The following VASH2 variants were observed in gnomAD, a reference collection of about 807,000 sequenced individuals.
VASH2 encodes tubulinyl-Tyr carboxypeptidase 2.
A neutral mutation model predicts 37.2 loss-of-function variants in VASH2; 28 were observed. That is an observed-to-expected ratio of 0.75 (90% CI 0.56 to 1.03). The LOEUF (loss-of-function observed/expected upper bound fraction) is 1.03, where lower values mean the gene tolerates loss of function less well. Ranked by LOEUF, VASH2 falls within the 50% of genes least tolerant of loss-of-function variation. The probability of loss-of-function intolerance (pLI) is 0.00; values close to 1 mark genes in which losing one functional copy is unlikely to be tolerated. For synonymous variants in VASH2, 188 were observed against 174.7 expected (o/e 1.08, Z -0.60); for missense variants, 419 against 459.1 (o/e 0.91, Z 0.80).
chr1:212,966,411 T>G, intron 5 of VASH2, 66 bp downstream of exon 5: 1 of 1,312,134 alleles, frequency 7.6e-7, no homozygotes, highest in Non-Finnish European at 1.1e-6. Flanking sequence ...GGGCTTGTTG[T>G]GCCTTTAACA....
intron 7 of VASH2, among the ~76,000 whole-genome samples, chr1:212,985,816 G>A (rs1042687897): frequency 5.9e-5 from 9 of 152,204 alleles, no homozygotes; most frequent in Non-Finnish European, 1.2e-4. Flanking sequence ...CATACCAGTT[G>A]TCTTTTGAAG....
chr1:212,961,346 CA>C, intron 3 of VASH2, 92 bp downstream of exon 3: 1 of 1,598,502 alleles, frequency 6.3e-7, no homozygotes, highest in Non-Finnish European at 8.5e-7. Context: ...AGCTGGTCAT[CA>C]AAAGCTCTCT....
At chr1:212,979,453 A>G (rs1424593788) in intron 7 of VASH2, among the ~76,000 whole-genome samples, 1 of 152,128 alleles carries the variant, frequency 6.6e-6, no homozygotes, top group Non-Finnish European at 1.5e-5. Flanking sequence ...GAGGGGCCCA[A>G]AGGGTGGAAA....
rs1572088199 is a variant in VASH2 at position 212,989,393 on chromosome 1, G to A, written c.*809G>A. ...TTGCAGACTCTAACAAAAAGCACAA[G>A]AGGTCACGTACTATTATACAAATTT... On this transcript the variant is annotated 3_prime_UTR_variant, in exon 8 of 8. Transcript: ENST00000517399. The A allele has an allele frequency of 2.6e-5, 4 of 152,258 alleles. No homozygotes were observed. The highest frequency in any genetic ancestry group is 2.6e-4 in the Admixed American group (4 of 15,302). The allele number at this position is 152,258 out of a possible 1,614,324, so 9.4% of individuals were successfully genotyped here. A position where few individuals can be genotyped will look rare whatever the true frequency, so the allele number is the denominator to read the frequency against.
At chr1:212,952,085 C>A (rs1038671248) in intron 2 of VASH2, among the ~76,000 whole-genome samples, 1 of 152,122 alleles carries the variant, frequency 6.6e-6, no homozygotes, top group African/African-American at 2.4e-5. Context: ...GAAGCTCCAG[C>A]CAAACTCTAT....
rs1424881781 is a variant in VASH2 at position 212,950,915 on chromosome 1, A to G, written c.-205+175A>G. Reference sequence around the variant, plus strand: ...AAGAAAGCGGGCCGCCTTGCAAGCCAAGGCTGCTGCAGCGCCCTCGCGCCA... The same window carrying G: ...AAGAAAGCGGGCCGCCTTGCAAGCCGAGGCTGCTGCAGCGCCCTCGCGCCA... On this transcript the variant is annotated intron_variant, in intron 1 of 7. Coordinates refer to ENST00000517399, the MANE Select transcript of VASH2 (RefSeq NM_001301056.2). The surrounding 1 kb of genome is among the most constrained non-coding windows in gnomAD (Gnocchi z 5.5). Among the ~76,000 whole-genome samples, 1 of 152,224 alleles carries G rather than the reference A, an allele frequency of 6.6e-6. No individual in the cohort carries two copies. Among genetic ancestry groups the G allele is most frequent in the East Asian group, 1.9e-4 (1 of 5,194 alleles).
chr1:212,981,778 C>A (rs1327705054), intron 7 of VASH2, among the ~76,000 whole-genome samples: 4 of 152,208 alleles, frequency 2.6e-5, no homozygotes, highest in African/African-American at 9.7e-5. Flanking sequence ...GTTGAGGGAA[C>A]CCTGTGAACT....
chr1:212,982,320 C>T (rs931229069), intron 7 of VASH2, among the ~76,000 whole-genome samples: 8 of 152,096 alleles, frequency 5.3e-5, no homozygotes, highest in African/African-American at 1.4e-4. Context: ...AAAATGTTGC[C>T]GGAGAACCTT....
chr1:212,953,129 G>A (rs973138633), intron 2 of VASH2, among the ~76,000 whole-genome samples: 2 of 152,112 alleles, frequency 1.3e-5, no homozygotes, highest in African/African-American at 4.8e-5. Flanking sequence ...GGAAAAAAAC[G>A]CCTGTTCCTA....
chr1:212,984,900 A>G (rs954899712), intron 7 of VASH2, among the ~76,000 whole-genome samples: 2 of 152,160 alleles, frequency 1.3e-5, no homozygotes, highest in Admixed American at 6.5e-5. Context: ...CCGAGTTAGA[A>G]CTTGCTAGGA....
chr1:212,961,398 G>A (rs1666672936), intron 3 of VASH2, 144 bp downstream of exon 3: 3 of 1,513,120 alleles, frequency 2.0e-6, no homozygotes, highest in East Asian at 2.3e-5. Context: ...TCCCGGGTGG[G>A]AGTCTAGAAA....
intron 7 of VASH2, among the ~76,000 whole-genome samples, chr1:212,979,715 A>G (rs145000510): frequency 1.8e-3 from 267 of 152,276 alleles, no homozygotes; most frequent in Non-Finnish European, 2.3e-3. Context: ...CGCTGAGACC[A>G]AGTTTCAAGA....
chr1:212,956,954 A>G (rs1455787993), intron 2 of VASH2, among the ~76,000 whole-genome samples: 1 of 152,168 alleles, frequency 6.6e-6, no homozygotes, highest in East Asian at 1.9e-4. Flanking sequence ...TGCAGCCATC[A>G]CCACCATCCA....
chr1:212,958,393 A>C (rs1432115232), intron 2 of VASH2, among the ~76,000 whole-genome samples: 1 of 152,202 alleles, frequency 6.6e-6, no homozygotes, highest in Non-Finnish European at 1.5e-5. Flanking sequence ...CTCTGCTTAC[A>C]GCCAGGCTGA....
intron 2 of VASH2, among the ~76,000 whole-genome samples, chr1:212,954,610 G>A (rs1247208193): frequency 6.6e-6 from 1 of 152,052 alleles, no homozygotes; most frequent in East Asian, 1.9e-4. Context: ...TAGTAAGATG[G>A]AGTTTCACCA....
chr1:212,963,330 C>T (rs1241346898), intron 3 of VASH2, among the ~76,000 whole-genome samples: 1 of 152,192 alleles, frequency 6.6e-6, no homozygotes, highest in Non-Finnish European at 1.5e-5. Context: ...TCCCAGCCCC[C>T]TGCCCACTGG....
rs903601005 is a variant in VASH2, at chr1:212,991,292, A to G, written c.*2708A>G. ...GAAATCTTAATTCAGAATTCTTACT[A>G]TACCTGAGTCTTTTGTAAGCTATAG... On this transcript the variant is annotated 3_prime_UTR_variant, in exon 8 of 8. Transcript: ENST00000517399. 2.0e-5 allele frequency: 3 copies of G among 152,230 alleles called. No homozygotes were observed. The highest frequency in any genetic ancestry group is 7.2e-5 in the African/African-American group (3 of 41,464). 9.4% of individuals were successfully genotyped at this position (152,230 alleles called of 1,614,324 possible). A position where few individuals can be genotyped will look rare whatever the true frequency, so the allele number is the denominator to read the frequency against.
intron 7 of VASH2, among the ~76,000 whole-genome samples, chr1:212,982,386 G>T (rs1041170190): frequency 2.0e-5 from 3 of 152,214 alleles, no homozygotes; most frequent in Admixed American, 1.3e-4. Flanking sequence ...TGGCAGGGAG[G>T]TGGGGTTGGA....
At position 212,991,206 on chromosome 1, in the gene VASH2, T is replaced by C. The variant is rs941415439; in HGVS notation, c.*2622T>C. On this transcript the variant is annotated 3_prime_UTR_variant, in exon 8 of 8. Coordinates refer to ENST00000517399, the MANE Select transcript of VASH2 (RefSeq NM_001301056.2). Reference sequence around the variant, plus strand: ...CACTCTGAAATCATGAGCATTTCACTTTTTCTAAGTCAATTATTTCATAAG... The same window carrying C: ...CACTCTGAAATCATGAGCATTTCACCTTTTCTAAGTCAATTATTTCATAAG... The C allele has an allele frequency of 1.3e-5, 2 of 152,244 alleles. No individual in the cohort carries two copies. The highest frequency in any genetic ancestry group is 2.9e-5 in the Non-Finnish European group (2 of 68,042). 9.4% of individuals were successfully genotyped at this position (152,244 alleles called of 1,614,324 possible). A position where few individuals can be genotyped will look rare whatever the true frequency, so the allele number is the denominator to read the frequency against.
Sources: allele counts gnomAD v4.1 joint callset (sites outside exome capture counted in the v4.1 genomes callset), GRCh38; gene constraint gnomAD v4.1.1; non-coding constraint Gnocchi (gnomAD v3.1); transcripts MANE v1.5; gene names NCBI Gene and HGNC (gene_info 2026-07-23, HGNC 2026-07-21).